The following AGBL4 variants were observed in gnomAD, a reference collection of about 807,000 sequenced individuals.
The protein encoded by AGBL4 is cytosolic carboxypeptidase 6.
AGBL4 carries 58 observed loss-of-function variants against 66.4 expected under a neutral mutation model. The ratio of observed to expected loss-of-function variants is 0.87; its 90% CI spans 0.71 to 1.09. The LOEUF is 1.09. Ranked by LOEUF, AGBL4 falls within the 50% of genes least tolerant of loss-of-function variation. AGBL4 has a pLI of 0.00. For missense variants in AGBL4, 579 were observed against 631.0 expected (o/e 0.92, Z 0.88); for synonymous variants, 234 against 222.9 (o/e 1.05, Z -0.44).
chr1:49,806,527 G>T (rs559792072), intron 2 of AGBL4, among the ~76,000 whole-genome samples: 52 of 152,230 alleles, frequency 3.4e-4, no homozygotes, highest in African/African-American at 9.9e-4. Context: ...ATAAAAAAAT[G>T]AAGCAGAACT....
chr1:48,596,873 GAA>G (rs1487664500), intron 9 of AGBL4, among the ~76,000 whole-genome samples: 1 of 152,166 alleles, frequency 6.6e-6, no homozygotes. Context: ...AGGGGACAAA[GAA>G]AGGAACAACC....
intron 9 of AGBL4, among the ~76,000 whole-genome samples, chr1:48,614,665 G>A (rs962073184): frequency 1.3e-4 from 20 of 152,166 alleles, no homozygotes; most frequent in African/African-American, 4.8e-4. Context: ...ACATCCAGCA[G>A]TCTTTTAGGT....
intron 3 of AGBL4, among the ~76,000 whole-genome samples, chr1:49,603,208 CTAAG>C (rs1644995504): frequency 6.6e-6 from 1 of 152,158 alleles, no homozygotes; most frequent in East Asian, 1.9e-4. Context: ...AGGGTCAGAA[CTAAG>C]TAATATTATA....
intron 6 of AGBL4, among the ~76,000 whole-genome samples, chr1:48,789,353 A>G (rs534087721): frequency 5.9e-5 from 9 of 151,626 alleles, no homozygotes; most frequent in Admixed American, 3.3e-4. Context: ...CAGTGGCCCA[A>G]TCTCGGCTCA....
intron 3 of AGBL4, among the ~76,000 whole-genome samples, chr1:49,380,625 T>C (rs890755614): frequency 2.0e-5 from 3 of 152,114 alleles, no homozygotes; most frequent in South Asian, 2.1e-4. Context: ...CAAAACAGCA[T>C]GGTACTGGTA....
Position 48,848,754 on chromosome 1 carries a change from A to G in AGBL4, c.634+18437T>C, listed in dbSNP as rs1024997099. ...TATTGTGTCCACAAAATGCTGCTGC[A>G]CACTCATTATAGGAGTACCAGTGGT... On this transcript the variant is annotated intron_variant, in intron 6 of 13. Transcript: ENST00000371839. 5.3e-5 allele frequency among the ~76,000 whole-genome samples: 8 copies of G among 152,310 alleles called. No homozygotes were observed. The East Asian group carries it at 1.5e-3, about 29-fold the overall frequency.
At chr1:49,594,000 T>C (rs74910998) in intron 3 of AGBL4, among the ~76,000 whole-genome samples, 4,294 of 152,234 alleles carry the variant, frequency 0.028, 176 homozygotes, top group African/African-American at 0.098. Flanking sequence ...ATGCAAGGAA[T>C]TGGTTCCAGG....
chr1:48,858,992 A>G (rs1245415646), intron 6 of AGBL4, among the ~76,000 whole-genome samples: 1 of 152,072 alleles, frequency 6.6e-6, no homozygotes, highest in South Asian at 2.1e-4. Flanking sequence ...AAGATTGCAC[A>G]TATCTACCCA....
At chr1:49,302,613 AT>A (rs1451729450) in intron 3 of AGBL4, among the ~76,000 whole-genome samples, 1 of 74,036 alleles carries the variant, frequency 1.4e-5, no homozygotes, top group Non-Finnish European at 2.3e-5. Context: ...TTATTTTTTT[AT>A]TTTATTTTAT....
chr1:49,581,227 A>C (rs1334708387), intron 3 of AGBL4, among the ~76,000 whole-genome samples: 1 of 152,000 alleles, frequency 6.6e-6, no homozygotes, highest in Non-Finnish European at 1.5e-5. Flanking sequence ...TCCTTGGTAA[A>C]TTTCTCATTC....
chr1:49,405,351 A>G (rs1477596918), intron 3 of AGBL4, among the ~76,000 whole-genome samples: 2 of 152,200 alleles, frequency 1.3e-5, no homozygotes, highest in African/African-American at 4.8e-5. Context: ...ACCCTGTTCT[A>G]TTAGCATGAC....
chr1:49,604,510 C>T (rs992891207), intron 3 of AGBL4, among the ~76,000 whole-genome samples: 2 of 152,102 alleles, frequency 1.3e-5, no homozygotes, highest in African/African-American at 4.8e-5. Flanking sequence ...CATTTTCTCC[C>T]ATTATGTAGG....
intron 3 of AGBL4, among the ~76,000 whole-genome samples, chr1:49,304,265 G>A (rs929553953): frequency 3.3e-5 from 5 of 152,110 alleles, no homozygotes; most frequent in Non-Finnish European, 7.4e-5. Context: ...TTTTGTCGAA[G>A]ATCAGATGGT....
intron 3 of AGBL4, among the ~76,000 whole-genome samples, chr1:49,615,890 CT>C (rs1219643490): frequency 6.6e-6 from 1 of 152,090 alleles, no homozygotes; most frequent in Non-Finnish European, 1.5e-5. Flanking sequence ...TTCAATGGAT[CT>C]CCCTTAGCTA....
chr1:49,586,990 C>G (rs1361383111), intron 3 of AGBL4, among the ~76,000 whole-genome samples: 8 of 152,166 alleles, frequency 5.3e-5, no homozygotes, highest in Non-Finnish European at 1.5e-5. Flanking sequence ...ACCTTTAAAG[C>G]CTTAGCTCAG....
At chr1:48,837,077 A>C (rs1186425579) in intron 6 of AGBL4, among the ~76,000 whole-genome samples, 1 of 149,636 alleles carries the variant, frequency 6.7e-6, no homozygotes, top group South Asian at 2.1e-4. Flanking sequence ...TAAGATATAT[A>C]GAGACATAAA....
chr1:49,327,157 G>T (rs980833638), intron 3 of AGBL4, among the ~76,000 whole-genome samples: 1 of 152,072 alleles, frequency 6.6e-6, no homozygotes. Flanking sequence ...CAGCATAATC[G>T]TCTCATCTCA....
At chr1:49,921,374 A>G (rs993518192) in intron 1 of AGBL4, among the ~76,000 whole-genome samples, 5 of 152,196 alleles carry the variant, frequency 3.3e-5, no homozygotes, top group African/African-American at 1.2e-4. Context: ...TATCAAACGA[A>G]AATTTATATT....
intron 3 of AGBL4, among the ~76,000 whole-genome samples, chr1:49,663,421 T>A (rs960849111): frequency 4.6e-5 from 7 of 152,168 alleles, no homozygotes; most frequent in African/African-American, 1.7e-4. Flanking sequence ...TTTATTTACC[T>A]CTGAATATAA....
Sources: allele counts gnomAD v4.1 joint callset (sites outside exome capture counted in the v4.1 genomes callset), GRCh38; gene constraint gnomAD v4.1.1; transcripts MANE v1.5; gene names NCBI Gene and HGNC (gene_info 2026-07-23, HGNC 2026-07-21).